Variants in PAFAH2 observed in about 807,000 individuals in gnomAD.
PAFAH2 encodes platelet activating factor acetylhydrolase 2.
A neutral mutation model predicts 49.0 loss-of-function variants in PAFAH2; 42 were observed. That is an observed-to-expected ratio of 0.86 (90% CI 0.67 to 1.11). PAFAH2 has a LOEUF of 1.11. Among genes scored for constraint, PAFAH2 ranks in the 50% least tolerant of loss-of-function variants. The pLI is 0.00. For synonymous variants in PAFAH2, 184 were observed against 181.3 expected, an observed-to-expected ratio of 1.01 and a Z score of -0.12; for missense variants, 503 against 501.8, an observed-to-expected ratio of 1.00 and a Z score of -0.02.
chr1:25,984,098 C>T lies in PAFAH2; in HGVS notation c.411-11G>A, dbSNP rs1320350039. The T allele has an allele frequency of 6.2e-7, 1 of 1,613,850 alleles. No homozygotes were observed. Among genetic ancestry groups the T allele is most frequent in the East Asian group, 2.2e-5 (1 of 44,878 alleles). ...GCCGCTGACCGGTCCCTGAAATACACACATCATCAGAGAGAAACCAGAAAA... is the reference window on the plus strand; with the variant it reads ...GCCGCTGACCGGTCCCTGAAATACATACATCATCAGAGAGAAACCAGAAAA... On this transcript the variant is annotated splice_polypyrimidine_tract_variant and intron_variant, in intron 5 of 10. Coordinates refer to ENST00000374282, the MANE Select transcript of PAFAH2 (RefSeq NM_000437.4).
chr1:25,968,399 A>G (rs560941077), intron 10 of PAFAH2, among the ~76,000 whole-genome samples: 1 of 152,104 alleles, frequency 6.6e-6, no homozygotes, highest in African/African-American at 2.4e-5. Flanking sequence ...GTGAAGTGGG[A>G]GGCAAAGTTA....
intron 8 of PAFAH2, among the ~76,000 whole-genome samples, chr1:25,975,956 C>T (rs2049581574): frequency 6.6e-6 from 1 of 152,136 alleles, no homozygotes; most frequent in South Asian, 2.1e-4. Context: ...CTGATCACAG[C>T]TTAAATTGCC....
intron 4 of PAFAH2, among the ~76,000 whole-genome samples, chr1:25,987,202 C>T (rs890061031): frequency 1.3e-5 from 2 of 150,898 alleles, no homozygotes; most frequent in African/African-American, 4.9e-5. Context: ...CCACTGCACT[C>T]CAGCCTGGGC....
intron 1 of PAFAH2, among the ~76,000 whole-genome samples, chr1:25,993,218 T>TA (rs2049898468): frequency 6.6e-6 from 1 of 152,184 alleles, no homozygotes; most frequent in African/African-American, 2.4e-5. Flanking sequence ...CAAAAGCATC[T>TA]AAATGGATAC....
rs1426582470 is a variant in PAFAH2, at chr1:25,960,753, CTCTGGGAGTGGCCT to C, written c.*1222_*1235del. On this transcript the variant is annotated 3_prime_UTR_variant, in exon 11 of 11. Transcript: ENST00000374282. Reference sequence around the variant, plus strand: ...AAATGACCAAGGTACTCCTAGGCCTCTCTGGGAGTGGCCTTCTGCGTTTTTAAATTTTATTTATT... The same window carrying C: ...AAATGACCAAGGTACTCCTAGGCCTCTCTGCGTTTTTAAATTTTATTTATT... 4.6e-5 allele frequency: 7 copies of C among 152,052 alleles called. No individual in the cohort carries two copies. Among genetic ancestry groups the C allele is most frequent in the Non-Finnish European group, 5.9e-5 (4 of 67,964 alleles). The allele number at this position is 152,052 out of a possible 1,614,324, so 9.4% of individuals were successfully genotyped here. A position where few individuals can be genotyped will look rare whatever the true frequency, so the allele number is the denominator to read the frequency against.
chr1:25,995,395 G>A (rs2049924359), intron 1 of PAFAH2, among the ~76,000 whole-genome samples: 1 of 152,154 alleles, frequency 6.6e-6, no homozygotes, highest in Non-Finnish European at 1.5e-5. Context: ...ACAATCACCT[G>A]GGAAGCTTTT....
At chr1:25,985,266 C>T (rs771255204) in intron 4 of PAFAH2, among the ~76,000 whole-genome samples, 2 of 152,194 alleles carry the variant, frequency 1.3e-5, no homozygotes, top group Non-Finnish European at 2.9e-5. Context: ...TGCCTGTGCA[C>T]CTCAGAGGGC....
chr1:25,976,079 C>T (rs1256444690), intron 8 of PAFAH2, among the ~76,000 whole-genome samples: 4 of 152,214 alleles, frequency 2.6e-5, no homozygotes, highest in South Asian at 2.1e-4. Flanking sequence ...TAGATCTTCA[C>T]ACGACTGGCT....
rs141875795 is a variant in PAFAH2 at position 25,986,932 on chromosome 1, G to A, written c.341+1299C>T. 8.7e-3 allele frequency among the ~76,000 whole-genome samples: 1,324 copies of A among 152,112 alleles called. 12 individuals are homozygous for A. Among genetic ancestry groups the A allele is most frequent in the Non-Finnish European group, 0.011 (764 of 67,996 alleles). On this transcript the variant is annotated intron_variant, in intron 4 of 10. Coordinates refer to ENST00000374282, the MANE Select transcript of PAFAH2 (RefSeq NM_000437.4). ...ACTGCTTTGAGTGCTGGAATGACAA[G>A]ATCATATTTCGTTTTAAAATAGATC...
chr1:25,968,556 GATCAT>G (rs1161975539), intron 10 of PAFAH2, among the ~76,000 whole-genome samples: 5 of 152,124 alleles, frequency 3.3e-5, no homozygotes, highest in Non-Finnish European at 1.5e-5. Flanking sequence ...CTTCATAGAA[GATCAT>G]ATCCCCAGAA....
At chr1:25,986,823 G>A (rs2049788400) in intron 4 of PAFAH2, among the ~76,000 whole-genome samples, 2 of 151,814 alleles carry the variant, frequency 1.3e-5, no homozygotes, top group East Asian at 1.9e-4. Flanking sequence ...GAGCCACCGC[G>A]CTCGGCCAAA....
intron 6 of PAFAH2, among the ~76,000 whole-genome samples, chr1:25,983,635 G>C (rs1005900445): frequency 6.6e-6 from 1 of 151,824 alleles, no homozygotes; most frequent in African/African-American, 2.4e-5. Context: ...CCAACCAAGA[G>C]AGAGACAGAA....
In PAFAH2 at chr1:25,989,440, G is replaced by A; in HGVS notation, c.244+8C>T. The A allele has an allele frequency of 1.9e-6, 3 of 1,590,138 alleles. No individual in the cohort carries two copies. Among genetic ancestry groups the A allele is most frequent in the African/African-American group, 1.3e-5 (1 of 74,168 alleles). The stretch of plus-strand genomic sequence containing the variant: ...GGGAAAGCATGCAGAGGTCAGGCCA[G>A]CCCTTACCCACCGCCAGGTTGAACA... On this transcript the variant is annotated splice_region_variant and intron_variant, in intron 3 of 10. Transcript: ENST00000374282.
intron 10 of PAFAH2, among the ~76,000 whole-genome samples, chr1:25,963,339 C>T (rs901581116): frequency 3.3e-5 from 5 of 152,060 alleles, no homozygotes; most frequent in Non-Finnish European, 7.3e-5. Flanking sequence ...CTGCTGTCCT[C>T]ACAGAGCTCA....
chr1:25,997,242 TC>T (rs2124378086), intron 1 of PAFAH2, among the ~76,000 whole-genome samples: 1 of 152,316 alleles, frequency 6.6e-6, no homozygotes, highest in South Asian at 2.1e-4. Flanking sequence ...TGAGGAAATA[TC>T]ATCCAGCTCG....
chr1:25,986,396 C>G (rs935878461), intron 4 of PAFAH2, among the ~76,000 whole-genome samples: 2 of 152,174 alleles, frequency 1.3e-5, no homozygotes, highest in African/African-American at 4.8e-5. Context: ...CAGTGCCTTT[C>G]AGTAAGTGAA....
At chr1:25,970,400 C>T (rs1408000528) in intron 10 of PAFAH2, among the ~76,000 whole-genome samples, 3 of 152,126 alleles carry the variant, frequency 2.0e-5, no homozygotes, top group Admixed American at 2.0e-4. Context: ...ATCGCTTGAA[C>T]CCAGGAGGTT....
rs200777839 is a variant in PAFAH2, at chr1:25,988,267, G to C, written c.305C>G (p.Pro102Arg). 12 of 1,609,760 alleles carry C rather than the reference G, an allele frequency of 7.5e-6. No homozygotes were observed. The East Asian group carries it at 1.4e-4, about 18-fold the overall frequency. Residue 102 changes from proline to arginine, a missense_variant, in exon 4 of 11, where the codon CCC becomes CGC. Coordinates refer to ENST00000374282, the MANE Select transcript of PAFAH2 (RefSeq NM_000437.4). ...TAGGCCATGGGAGAAGATGATCAAG[G>C]GGTATCCAGAGTCCTTTGTCTTAAA... is the stretch of plus-strand genomic sequence containing the variant. Reference protein sequence around the residue: ...GPFKTKDSGYPLIIFSHGLGA... With the variant: ...GPFKTKDSGYRLIIFSHGLGA...
chr1:25,982,597 G>A (rs571937700), intron 6 of PAFAH2, 120 bp from the exon 7 acceptor site: 111 of 714,266 alleles, frequency 1.6e-4, no homozygotes, highest in Non-Finnish European at 2.4e-4. Context: ...GCCTCAGCAA[G>A]CACCTTGGGT....
Sources: allele counts gnomAD v4.1 joint callset (sites outside exome capture counted in the v4.1 genomes callset), GRCh38; gene constraint gnomAD v4.1.1; transcripts MANE v1.5; gene names NCBI Gene and HGNC (gene_info 2026-07-23, HGNC 2026-07-21).